Variants in CLDN11 observed in about 807,000 individuals in gnomAD.
CLDN11 encodes the protein claudin 11.
A neutral mutation model predicts 18.0 loss-of-function variants in CLDN11; 1 was observed. The ratio of observed to expected loss-of-function variants is 0.06; its 90% CI spans 0.02 to 0.26. The LOEUF (loss-of-function observed/expected upper bound fraction) is 0.26, where lower values mean the gene tolerates loss of function less well. CLDN11 is among the 10% of genes least tolerant of loss of function. CLDN11 has a pLI of 1.00. For synonymous variants in CLDN11, 116 were observed against 121.5 expected (o/e 0.96, Z 0.30); for missense variants, 172 against 276.6 (o/e 0.62, Z 2.68).
At chr3:170,429,513 T>G (rs184587647) in intron 2 of CLDN11, among the ~76,000 whole-genome samples, 2 of 152,354 alleles carry the variant, frequency 1.3e-5, no homozygotes, top group South Asian at 2.1e-4. Flanking sequence ...CTACTTCTCA[T>G]CTATCCATCC....
chr3:170,425,138 A>G (rs1276541906), intron 2 of CLDN11, among the ~76,000 whole-genome samples: 1 of 151,822 alleles, frequency 6.6e-6, no homozygotes, highest in Non-Finnish European at 1.5e-5. Flanking sequence ...CTATTGTCTG[A>G]CTCCCTTTCC....
In CLDN11 at chr3:170,423,250, G is replaced by T. The variant is rs756189399; in HGVS notation, c.314G>T (p.Cys105Phe). 13 of 1,614,064 alleles carry T rather than the reference G, an allele frequency of 8.1e-6. No homozygotes were observed. Among genetic ancestry groups the T allele is most frequent in the Admixed American group, 1.7e-5 (1 of 60,002 alleles). Residue 105 changes from cysteine to phenylalanine, a missense_variant, in exon 2 of 3, where the codon TGC becomes TTC. Around this residue, in one of 3 missense-constraint regions of CLDN11, gnomAD observed 161 missense variants for 240.3 expected, o/e 0.67. Coordinates refer to ENST00000064724, the MANE Select transcript of CLDN11 (RefSeq NM_005602.6). ...AILLLLTVLP[C>F]IRMGQEPGVA... ...TTACTGCTGCTGACTGTTCTTCCCT[G>T]CATCCGGATGGGCCAGGAGCCCGGT... is the stretch of plus-strand genomic sequence containing the variant.
rs980153919 is a variant in CLDN11 at position 170,419,362 on chromosome 3, C to T, written c.226+70C>T. 1.7e-6 allele frequency: 2 copies of T among 1,153,716 alleles called. No individual in the cohort carries two copies. The highest frequency in any genetic ancestry group is 1.5e-5 in the South Asian group (1 of 67,144). 71.5% of individuals were successfully genotyped at this position (1,153,716 alleles called of 1,614,324 possible). ...GGGTAGAGAGCGGGATATTAGACGG[C>T]GTCACAGAGACATTTTGGGGGCTTG... On this transcript the variant is annotated intron_variant, in intron 1 of 2. Coordinates refer to ENST00000064724, the MANE Select transcript of CLDN11 (RefSeq NM_005602.6). This position sits in a 1 kb window ranked among gnomAD's most constrained non-coding sequence, Gnocchi z 8.6.
In CLDN11 at chr3:170,423,298, A is replaced by G. The variant is rs769420305; in HGVS notation, c.362A>G (p.Gln121Arg). ...GGTGTGGCTAAGTACAGGCGGGCCCAGCTGGCTGGTGTTTTGCTCATTCTG... is the reference window on the plus strand; with the variant it reads ...GGTGTGGCTAAGTACAGGCGGGCCCGGCTGGCTGGTGTTTTGCTCATTCTG... Reference protein sequence around the residue: ...EPGVAKYRRAQLAGVLLILLA... With the variant: ...EPGVAKYRRARLAGVLLILLA... Residue 121 changes from glutamine (Q) to arginine (R), a missense_variant, in exon 2 of 3, where the codon CAG becomes CGG. Gln to Arg is a conservative substitution (Grantham distance 43). Transcript: ENST00000064724. 2 of 1,613,970 alleles carry G rather than the reference A, an allele frequency of 1.2e-6. No individual in the cohort carries two copies. Among genetic ancestry groups the G allele is most frequent in the Admixed American group, 3.3e-5 (2 of 60,010 alleles).
chr3:170,432,794 C>T lies in CLDN11; in HGVS notation c.*38C>T. ...GCTGCCCACAGAGGTGCTGTAGATGCTGGGCCCAGGGCCCTAGGTTTGCTC... is the reference window on the plus strand; with the variant it reads ...GCTGCCCACAGAGGTGCTGTAGATGTTGGGCCCAGGGCCCTAGGTTTGCTC... On this transcript the variant is annotated 3_prime_UTR_variant, in exon 3 of 3. Transcript: ENST00000064724. The T allele has an allele frequency of 1.3e-6, 2 of 1,592,866 alleles. No individual in the cohort carries two copies. The highest frequency in any genetic ancestry group is 1.7e-6 in the Non-Finnish European group (2 of 1,160,612).
At position 170,432,804 on chromosome 3, in the gene CLDN11, G is replaced by T. The variant is rs1466503122; in HGVS notation, c.*48G>T. ...GAGGTGCTGTAGATGCTGGGCCCAG[G>T]GCCCTAGGTTTGCTCGTCACAGTGT... On this transcript the variant is annotated 3_prime_UTR_variant, in exon 3 of 3. Coordinates refer to ENST00000064724, the MANE Select transcript of CLDN11 (RefSeq NM_005602.6). 6.3e-7 allele frequency: 1 copy of T among 1,576,790 alleles called. No individual in the cohort carries two copies. The highest frequency in any genetic ancestry group is 8.7e-7 in the Non-Finnish European group (1 of 1,146,458).
intron 2 of CLDN11, among the ~76,000 whole-genome samples, chr3:170,426,153 A>G (rs1738846440): frequency 6.6e-6 from 1 of 152,238 alleles, no homozygotes; most frequent in South Asian, 2.1e-4. Flanking sequence ...GGAACTGGAC[A>G]CAGTGTCACA....
Position 170,421,288 on chromosome 3 carries a change from C to T in CLDN11, c.227-1875C>T, listed in dbSNP as rs143055849. 2.8e-5 allele frequency: 28 copies of T among 985,924 alleles called. No homozygotes were observed. The African/African-American group carries it at 4.4e-4, about 15-fold the overall frequency. The allele number at this position is 985,924 out of a possible 1,614,324, so 61.1% of individuals were successfully genotyped here. On this transcript the variant is annotated intron_variant, in intron 1 of 2. Transcript: ENST00000064724. ...CTTGGCACTGTAGCATGTGGACAGCCAGTGCCATGGATTTCAGAACCTGCA... is the reference window on the plus strand; with the variant it reads ...CTTGGCACTGTAGCATGTGGACAGCTAGTGCCATGGATTTCAGAACCTGCA...
In CLDN11 at chr3:170,419,452, C is replaced by T. The variant is rs1243830182; in HGVS notation, c.226+160C>T. Among the ~76,000 whole-genome samples the T allele has an allele frequency of 2.0e-5, 3 of 152,164 alleles. No homozygotes were observed. The highest frequency in any genetic ancestry group is 7.2e-5 in the African/African-American group (3 of 41,436). On this transcript the variant is annotated intron_variant, in intron 1 of 2. Transcript: ENST00000064724. This position sits in a 1 kb window ranked among gnomAD's most constrained non-coding sequence, Gnocchi z 8.6. Reference sequence around the variant, plus strand: ...TTGTTGTAAAAGAATTAGGCAGCCCCGAACTTAACTTCTCTAGGCCGCAGT... The same window carrying T: ...TTGTTGTAAAAGAATTAGGCAGCCCTGAACTTAACTTCTCTAGGCCGCAGT...
intron 2 of CLDN11, among the ~76,000 whole-genome samples, chr3:170,424,539 C>T (rs948331509): frequency 7.9e-5 from 12 of 152,270 alleles, no homozygotes; most frequent in African/African-American, 2.6e-4. Flanking sequence ...AATTTCTCTC[C>T]GTTTTTTTCC....
intron 2 of CLDN11, among the ~76,000 whole-genome samples, chr3:170,429,116 C>G (rs922385323): frequency 2.0e-5 from 3 of 152,228 alleles, no homozygotes; most frequent in South Asian, 2.1e-4. Flanking sequence ...ATCTCTTTCT[C>G]TCTTGAAACC....
intron 1 of CLDN11, among the ~76,000 whole-genome samples, chr3:170,420,381 C>T (rs1056027956): frequency 6.6e-6 from 1 of 152,172 alleles, no homozygotes; most frequent in South Asian, 2.1e-4. Context: ...GGGGAGAAAC[C>T]TGTCCCTGAA....
Position 170,423,168 on chromosome 3 carries a change from G to A in CLDN11, c.232G>A (p.Val78Met), listed in dbSNP as rs778801733. Residue 78 changes from valine (V) to methionine (M), a missense_variant, in exon 2 of 3, where the codon GTG (valine) becomes ATG (methionine). Around this residue, in one of 3 missense-constraint regions of CLDN11, gnomAD observed 161 missense variants for 240.3 expected, o/e 0.67. Transcript: ENST00000064724. ...LVDILILPGY[V>M]QACRALMIAA... is the part of the protein sequence containing the mutation. ...ATCTGCTCTCTTGTTCCCAGGCTAC[G>A]TGCAGGCCTGCCGCGCCCTGATGAT... The A allele has an allele frequency of 5.0e-6, 8 of 1,614,182 alleles. No individual in the cohort carries two copies. In the South Asian group the frequency reaches 6.6e-5, roughly 13 times the overall value.
At position 170,419,632 on chromosome 3, in the gene CLDN11, C is replaced by A. The variant is rs1259445449; in HGVS notation, c.226+340C>A. Among the ~76,000 whole-genome samples the A allele has an allele frequency of 6.6e-6, 1 of 152,260 alleles. No individual in the cohort carries two copies. Among genetic ancestry groups the A allele is most frequent in the Admixed American group, 6.5e-5 (1 of 15,294 alleles). ...CCGCATCCTTCCACCGTCCGCTTCC[C>A]GAAGTGCTTCCCGCTCCCGCCCGGC... is the stretch of plus-strand genomic sequence containing the variant. On this transcript the variant is annotated intron_variant, in intron 1 of 2. Coordinates refer to ENST00000064724, the MANE Select transcript of CLDN11 (RefSeq NM_005602.6). This position sits in a 1 kb window ranked among gnomAD's most constrained non-coding sequence, Gnocchi z 8.6.
rs1325146011 is a variant in CLDN11, at chr3:170,432,755, A to G, written c.623A>G (p.Ter208=). The part of the protein sequence containing the change: ...SPTHAKSAHV[*] ...ACTCATGCGAAGAGTGCCCACGTATAAGAGGGCTGCCCGGCTGCCCACAGA... is the reference window on the plus strand; with the variant it reads ...ACTCATGCGAAGAGTGCCCACGTATGAGAGGGCTGCCCGGCTGCCCACAGA... Residue 208 remains the stop codon, a stop_retained_variant, in exon 3 of 3, where the codon TAA becomes TGA. Transcript: ENST00000064724. 2 of 1,614,142 alleles carry G rather than the reference A, an allele frequency of 1.2e-6. No homozygotes were observed. Among genetic ancestry groups the G allele is most frequent in the Non-Finnish European group, 1.7e-6 (2 of 1,179,984 alleles).
chr3:170,418,939 T>C lies in CLDN11; in HGVS notation c.-128T>C. ...CTCCGGCGCCCACCTCCACCTCCAG[T>C]GTCCCGCCTCGGGCCGTCGCCCTCC... is the stretch of plus-strand genomic sequence containing the variant. On this transcript the variant is annotated 5_prime_UTR_variant, in exon 1 of 3. Transcript: ENST00000064724. The surrounding 1 kb of genome is among the most constrained non-coding windows in gnomAD (Gnocchi z 4.3). 1.4e-6 allele frequency: 1 copy of C among 691,376 alleles called. No individual in the cohort carries two copies. The highest frequency in any genetic ancestry group is 2.4e-6 in the Non-Finnish European group (1 of 409,150). The allele number at this position is 691,376 out of a possible 1,614,324, so 42.8% of individuals were successfully genotyped here. A position where few individuals can be genotyped will look rare whatever the true frequency, so the allele number is the denominator to read the frequency against.
chr3:170,432,781 G>A lies in CLDN11; in HGVS notation c.*25G>A, dbSNP rs749594344. On this transcript the variant is annotated 3_prime_UTR_variant, in exon 3 of 3. Transcript: ENST00000064724. The stretch of plus-strand genomic sequence containing the variant: ...AGAGGGCTGCCCGGCTGCCCACAGA[G>A]GTGCTGTAGATGCTGGGCCCAGGGC... 1 of 1,608,762 alleles carries A rather than the reference G, an allele frequency of 6.2e-7. No homozygotes were observed. Among genetic ancestry groups the A allele is most frequent in the East Asian group, 2.2e-5 (1 of 44,842 alleles).
In CLDN11 at chr3:170,432,848, G is replaced by C. The variant is rs974590749; in HGVS notation, c.*92G>C. ...ACAGTGTGGGGAAGCCCATTCCTCT[G>C]CCAGGCTCTAAAGCCAAAGGTCTAG... On this transcript the variant is annotated 3_prime_UTR_variant, in exon 3 of 3. Coordinates refer to ENST00000064724, the MANE Select transcript of CLDN11 (RefSeq NM_005602.6). 7.9e-7 allele frequency: 1 copy of C among 1,260,220 alleles called. No individual in the cohort carries two copies. Among genetic ancestry groups the C allele is most frequent in the African/African-American group, 1.5e-5 (1 of 67,464 alleles). 78.1% of individuals were successfully genotyped at this position (1,260,220 alleles called of 1,614,324 possible).
chr3:170,431,265 G>A (rs945542256), intron 2 of CLDN11, among the ~76,000 whole-genome samples: 1 of 152,170 alleles, frequency 6.6e-6, no homozygotes, highest in East Asian at 1.9e-4. Flanking sequence ...TTGCTGAGTT[G>A]AAAGTGATAA....
Sources: allele counts gnomAD v4.1 joint callset (sites outside exome capture counted in the v4.1 genomes callset), GRCh38; gene constraint gnomAD v4.1.1; regional missense constraint gnomAD v4.1.1; non-coding constraint Gnocchi (gnomAD v3.1); transcripts MANE v1.5; gene names NCBI Gene and HGNC (gene_info 2026-07-23, HGNC 2026-07-21).